Variants in TAFA1 observed in about 807,000 individuals in gnomAD.
TAFA1 encodes chemokine-like protein TAFA-1.
Under a neutral mutation model 18.5 loss-of-function variants are expected in TAFA1, and 4 were observed. The observed-to-expected ratio is 0.22, with a 90% CI of 0.11 to 0.49. The LOEUF (loss-of-function observed/expected upper bound fraction) is 0.49. Among genes scored for constraint, TAFA1 ranks in the 20% least tolerant of loss-of-function variants. TAFA1 has a pLI of 0.98. For missense variants in TAFA1, 147 were observed against 169.0 expected (o/e 0.87, Z 0.72); for synonymous variants, 56 against 55.2 (o/e 1.01, Z -0.06).
chr3:68,457,962 C>A (rs2071697460), intron 3 of TAFA1, among the ~76,000 whole-genome samples: 1 of 152,190 alleles, frequency 6.6e-6, no homozygotes, highest in Non-Finnish European at 1.5e-5. Context: ...TTTACCCTAT[C>A]ACTCATGGGT....
intron 2 of TAFA1, among the ~76,000 whole-genome samples, chr3:68,082,719 TCACA>T (rs1470564633): frequency 6.6e-6 from 1 of 152,202 alleles, no homozygotes; most frequent in East Asian, 1.9e-4. Context: ...TGTCTGCCTG[TCACA>T]CTATATAGTG....
chr3:68,529,901 G>A (rs1227116038), intron 3 of TAFA1, among the ~76,000 whole-genome samples: 2 of 152,058 alleles, frequency 1.3e-5, no homozygotes, highest in Non-Finnish European at 2.9e-5. Context: ...CTCTGGAGAG[G>A]ACAAAAAATC....
In TAFA1 at chr3:68,522,286, C is replaced by T. The variant is rs114620690; in HGVS notation, c.260-16470C>T. Among the ~76,000 whole-genome samples, 779 of 152,242 alleles carry T rather than the reference C, an allele frequency of 5.1e-3. 10 individuals carry two copies. Among genetic ancestry groups the T allele is most frequent in the African/African-American group, 0.018 (744 of 41,534 alleles). Reference sequence around the variant, plus strand: ...TGAGATCTGATATAAATCATTTCCTCACTACAAATTCTCAATGAGAACACG... The same window carrying T: ...TGAGATCTGATATAAATCATTTCCTTACTACAAATTCTCAATGAGAACACG... On this transcript the variant is annotated intron_variant, in intron 3 of 4. Transcript: ENST00000478136.
chr3:68,278,649 T>C (rs2067839332), intron 2 of TAFA1, among the ~76,000 whole-genome samples: 1 of 152,140 alleles, frequency 6.6e-6, no homozygotes, highest in Non-Finnish European at 1.5e-5. Flanking sequence ...ATATATCTTT[T>C]AGCTGTAAGC....
At chr3:68,019,820 C>A (rs73837232) in intron 2 of TAFA1, among the ~76,000 whole-genome samples, 2 of 152,088 alleles carry the variant, frequency 1.3e-5, no homozygotes, top group South Asian at 4.1e-4. Flanking sequence ...AAGATAGCCC[C>A]CCGGCCAGTG....
intron 2 of TAFA1, among the ~76,000 whole-genome samples, chr3:68,054,329 G>T (rs779252484): frequency 1.3e-5 from 2 of 152,046 alleles, no homozygotes; most frequent in Non-Finnish European, 2.9e-5. Context: ...CACCATAGCT[G>T]GCTGTTAAAA....
At chr3:68,088,868 G>A (rs1487148575) in intron 2 of TAFA1, among the ~76,000 whole-genome samples, 1 of 152,204 alleles carries the variant, frequency 6.6e-6, no homozygotes, top group Non-Finnish European at 1.5e-5. Context: ...TCTCACTGGA[G>A]ATGGTGAGAA....
intron 2 of TAFA1, among the ~76,000 whole-genome samples, chr3:68,137,129 C>A (rs562478921): frequency 1.3e-5 from 2 of 152,236 alleles, no homozygotes; most frequent in East Asian, 3.9e-4. Context: ...TGGGAAAAAT[C>A]TCTCTCCTGT....
intron 2 of TAFA1, among the ~76,000 whole-genome samples, chr3:68,188,058 A>G (rs1357539879): frequency 1.3e-5 from 2 of 151,978 alleles, no homozygotes; most frequent in Non-Finnish European, 2.9e-5. Context: ...TTCTGAATAT[A>G]AGACCTTGTT....
intron 2 of TAFA1, among the ~76,000 whole-genome samples, chr3:68,194,548 A>C (rs2066388227): frequency 1.3e-5 from 2 of 151,928 alleles, no homozygotes; most frequent in Admixed American, 6.6e-5. Context: ...TTAACTAAAT[A>C]ATATGGAAGC....
At chr3:68,034,293 C>A (rs1035441759) in intron 2 of TAFA1, among the ~76,000 whole-genome samples, 5 of 152,182 alleles carry the variant, frequency 3.3e-5, no homozygotes, top group Admixed American at 1.3e-4. Context: ...GTAAACATAA[C>A]AGCTAACATG....
rs1360837053 is a variant in TAFA1 at position 68,545,391 on chromosome 3, C to T, written c.*888C>T. The T allele has an allele frequency of 6.6e-6, 1 of 152,606 alleles. No homozygotes were observed. Among genetic ancestry groups the T allele is most frequent in the African/African-American group, 2.4e-5 (1 of 41,444 alleles). 9.5% of individuals were successfully genotyped at this position (152,606 alleles called of 1,614,324 possible). A position where few individuals can be genotyped will look rare whatever the true frequency, so the allele number is the denominator to read the frequency against. ...TAAGGCTTTGTATAGCTGTCCTAGA[C>T]TGCAGAAATGTCCTCTGATTAAATC... On this transcript the variant is annotated 3_prime_UTR_variant, in exon 5 of 5. Coordinates refer to ENST00000478136, the MANE Select transcript of TAFA1 (RefSeq NM_213609.4).
intron 2 of TAFA1, among the ~76,000 whole-genome samples, chr3:68,373,246 A>G (rs73835109): frequency 0.018 from 2,741 of 152,336 alleles, 85 homozygotes; most frequent in African/African-American, 0.061. Context: ...AGGAACACCT[A>G]CTAAGTGCCC....
intron 2 of TAFA1, among the ~76,000 whole-genome samples, chr3:68,322,408 C>G (rs73099647): frequency 1.3e-5 from 2 of 152,224 alleles, no homozygotes; most frequent in Non-Finnish European, 2.9e-5. Flanking sequence ...TCAAGGAAGC[C>G]GGAGAGTCAA....
chr3:68,113,480 A>G (rs2065284242), intron 2 of TAFA1, among the ~76,000 whole-genome samples: 1 of 152,194 alleles, frequency 6.6e-6, no homozygotes, highest in African/African-American at 2.4e-5. Flanking sequence ...AATATGGGAG[A>G]ATATAAGCTT....
intron 3 of TAFA1, among the ~76,000 whole-genome samples, chr3:68,502,649 C>A (rs1382789132): frequency 6.6e-6 from 1 of 152,018 alleles, no homozygotes; most frequent in Non-Finnish European, 1.5e-5. Context: ...CCTATTCCCC[C>A]CTGATTCTCC....
In TAFA1 at chr3:68,544,567, A is replaced by G; in HGVS notation, c.*64A>G. ...GGAAAATACATTTTGAGAATCTCAA[A>G]CATCTCACATATATACAAGCCAAAT... On this transcript the variant is annotated 3_prime_UTR_variant, in exon 5 of 5. Transcript: ENST00000478136. 8 of 1,521,142 alleles carry G rather than the reference A, an allele frequency of 5.3e-6. No homozygotes were observed. The highest frequency in any genetic ancestry group is 7.3e-6 in the Non-Finnish European group (8 of 1,098,606). 94.2% of individuals were successfully genotyped at this position (1,521,142 alleles called of 1,614,324 possible).
chr3:68,353,642 T>C (rs1260655767), intron 2 of TAFA1, among the ~76,000 whole-genome samples: 1 of 151,876 alleles, frequency 6.6e-6, no homozygotes, highest in African/African-American at 2.4e-5. Flanking sequence ...CTCTAAATAT[T>C]CAGAAAAAGG....
chr3:68,272,562 A>T (rs1040764969), intron 2 of TAFA1, among the ~76,000 whole-genome samples: 2 of 152,170 alleles, frequency 1.3e-5, no homozygotes, highest in Admixed American at 6.6e-5. Context: ...CAGCACTTTT[A>T]TTCTGTTTTT....
Sources: gnomAD v4.1 joint callset for allele counts (sites outside exome capture counted in the v4.1 genomes callset) on GRCh38, gnomAD v4.1.1 for gene constraint, MANE v1.5 for transcripts, NCBI Gene and HGNC (gene_info 2026-07-23, HGNC 2026-07-21) for gene names.